The following C6orf118 variants were observed in gnomAD, a reference collection of about 807,000 sequenced individuals.
The protein encoded by C6orf118 is uncharacterized protein C6orf118.
In C6orf118, 50 loss-of-function variants were observed where a neutral mutation model predicts 50.2. That is an observed-to-expected ratio of 1.00 (90% CI 0.79 to 1.26). C6orf118 has a LOEUF of 1.26. Among genes scored for constraint, C6orf118 ranks in the 50% most tolerant of loss-of-function variants. The probability of loss-of-function intolerance (pLI) is 0.00; values close to 1 mark genes in which losing one functional copy is unlikely to be tolerated. For missense variants in C6orf118, 641 were observed against 578.7 expected (o/e 1.11, Z -1.10); for synonymous variants, 239 against 230.9 (o/e 1.03, Z -0.32).
At position 165,301,964 on chromosome 6, in the gene C6orf118, G is replaced by A. The variant is rs1780564847; in HGVS notation, c.358C>T (p.Pro120Ser). 1 of 1,613,716 alleles carries A rather than the reference G, an allele frequency of 6.2e-7. No individual in the cohort carries two copies. The highest frequency in any genetic ancestry group is 1.7e-5 in the Admixed American group (1 of 60,010). Residue 120 changes from proline (P) to serine (S), a missense_variant, in exon 2 of 9, where the codon CCC becomes TCC. Physicochemically the swap from Pro to Ser is moderately conservative, Grantham distance 74 (BLOSUM62 -1). Transcript: ENST00000230301. ...AHFTIHTALVPSEAQDTPLFR... is the reference protein window; with the variant it reads ...AHFTIHTALVSSEAQDTPLFR... Reference sequence around the variant, plus strand: ...AGCGGGGTGTCCTGGGCCTCACTGGGGACCAGGGCCGTGTGGATGGTGAAG... The same window carrying A: ...AGCGGGGTGTCCTGGGCCTCACTGGAGACCAGGGCCGTGTGGATGGTGAAG...
intron 6 of C6orf118, among the ~76,000 whole-genome samples, chr6:165,291,475 A>G (rs1027888261): frequency 1.5e-4 from 23 of 152,104 alleles, no homozygotes; most frequent in Admixed American, 1.3e-4. Flanking sequence ...CACATGTTCT[A>G]TGGCTTTCAT....
intron 6 of C6orf118, among the ~76,000 whole-genome samples, chr6:165,290,553 C>A (rs1411468039): frequency 1.3e-5 from 2 of 152,072 alleles, no homozygotes; most frequent in East Asian, 3.9e-4. Flanking sequence ...GAGCAGAAGA[C>A]AGAATTTAGA....
intron 5 of C6orf118, among the ~76,000 whole-genome samples, chr6:165,296,074 C>G (rs1780287602): frequency 6.6e-6 from 1 of 152,080 alleles, no homozygotes; most frequent in Non-Finnish European, 1.5e-5. Context: ...TTCTCTCTTC[C>G]ATGAACTTTT....
chr6:165,306,498 G>T lies in C6orf118; in HGVS notation c.25+3064C>A, dbSNP rs1363169486. 6.7e-5 allele frequency among the ~76,000 whole-genome samples: 5 copies of T among 74,432 alleles called. No homozygotes were observed. In the Admixed American group the frequency reaches 8.2e-4, roughly 12 times the overall value. 48.8% of individuals were successfully genotyped at this position (74,432 alleles called of 152,430 possible). A position where few individuals can be genotyped will look rare whatever the true frequency, so the allele number is the denominator to read the frequency against. On this transcript the variant is annotated intron_variant, in intron 1 of 8. Transcript: ENST00000230301. Reference sequence around the variant, plus strand: ...ATAAAAAAAAATTATAAAAAAAAAAGAATAATATTCATAGAAATGGAATTT... The same window carrying T: ...ATAAAAAAAAATTATAAAAAAAAAATAATAATATTCATAGAAATGGAATTT...
intron 7 of C6orf118, among the ~76,000 whole-genome samples, chr6:165,283,579 G>A (rs1328639564): frequency 2.0e-5 from 3 of 152,200 alleles, no homozygotes; most frequent in African/African-American, 7.2e-5. Flanking sequence ...TTGTAAACAG[G>A]TTGGTGCTCC....
In C6orf118 at chr6:165,280,058, T is replaced by C; in HGVS notation, c.1409A>G (p.Ter470=). 1.2e-6 allele frequency: 2 copies of C among 1,605,738 alleles called. No individual in the cohort carries two copies. The highest frequency in any genetic ancestry group is 2.7e-5 in the African/African-American group (2 of 74,526). The change falls in exon 9 of 9, where the codon TAA becomes TGA. Residue 470 remains the stop codon, a stop_retained_variant. Transcript: ENST00000230301. ...GCCATTTGTTCAGCCACTTGAGCGT[T>C]ATCTTCTGTTTCCTCTGATTTTACA... is the stretch of plus-strand genomic sequence containing the variant. ...GICKIRGNRR[*]
chr6:165,282,581 G>A (rs2128156391), intron 7 of C6orf118, among the ~76,000 whole-genome samples: 1 of 149,762 alleles, frequency 6.7e-6, no homozygotes, highest in Middle Eastern at 3.6e-3. Flanking sequence ...CAAATTAAAT[G>A]AAATTATATT....
intron 6 of C6orf118, 111 bp downstream of exon 6, chr6:165,293,298 CAGAG>C (rs1388135202): frequency 2.1e-6 from 2 of 951,248 alleles, no homozygotes; most frequent in African/African-American, 1.6e-5. Flanking sequence ...CAACAAAACT[CAGAG>C]GGAGCATCAG....
At chr6:165,307,434 C>T (rs1008492660) in intron 1 of C6orf118, among the ~76,000 whole-genome samples, 7 of 151,834 alleles carry the variant, frequency 4.6e-5, no homozygotes, top group South Asian at 2.1e-4. Flanking sequence ...TGGCGGGTAC[C>T]TGTAATTACT....
intron 7 of C6orf118, among the ~76,000 whole-genome samples, chr6:165,285,092 A>C (rs1779856705): frequency 6.6e-6 from 1 of 152,366 alleles, no homozygotes; most frequent in Admixed American, 6.5e-5. Flanking sequence ...AAAGACACAC[A>C]TAGGCTCAAA....
intron 3 of C6orf118, 36 bp downstream of exon 3, chr6:165,300,322 GCAAGCT>G: frequency 6.2e-7 from 1 of 1,608,784 alleles, no homozygotes; most frequent in South Asian, 1.1e-5. Flanking sequence ...AGAACCTCAT[GCAAGCT>G]TCTCAACTGT....
chr6:165,307,291 A>G (rs1780773154), intron 1 of C6orf118, among the ~76,000 whole-genome samples: 2 of 133,364 alleles, frequency 1.5e-5, no homozygotes, highest in Admixed American at 9.1e-5. Flanking sequence ...GGGTGCAGTG[A>G]CTCACGCCTG....
At chr6:165,291,048 T>A (rs999342681) in intron 6 of C6orf118, among the ~76,000 whole-genome samples, 1 of 152,098 alleles carries the variant, frequency 6.6e-6, no homozygotes, top group South Asian at 2.1e-4. Flanking sequence ...TTCACTACCA[T>A]GAGAATAGTA....
At position 165,302,978 on chromosome 6, in the gene C6orf118, G is replaced by A. The variant is rs907921294; in HGVS notation, c.26-682C>T. 2.0e-5 allele frequency among the ~76,000 whole-genome samples: 3 copies of A among 152,202 alleles called. No individual in the cohort carries two copies. In the East Asian group the frequency reaches 5.8e-4, roughly 29 times the overall value. On this transcript the variant is annotated intron_variant, in intron 1 of 8. Coordinates refer to ENST00000230301, the MANE Select transcript of C6orf118 (RefSeq NM_144980.4). ...TACCCATTTTTGCTGCAGGTCTATA[G>A]TACAGGTAACACGTTACTGAACACT... is the stretch of plus-strand genomic sequence containing the variant.
chr6:165,302,434 G>T, intron 1 of C6orf118, 138 bp from the exon 2 acceptor site: 1 of 1,131,894 alleles, frequency 8.8e-7, no homozygotes, highest in Non-Finnish European at 1.2e-6. Context: ...ACATGGCCCA[G>T]CCCTTAAAAG....
intron 5 of C6orf118, among the ~76,000 whole-genome samples, chr6:165,294,323 GA>G (rs369635922): frequency 6.8e-6 from 1 of 148,082 alleles, no homozygotes; most frequent in African/African-American, 2.5e-5. Flanking sequence ...TTAAAAAACA[GA>G]AAAAAACCTC....
rs756402864 is a variant in C6orf118 at position 165,301,993 on chromosome 6, G to A, written c.329C>T (p.Ala110Val). ...CAGGGCCGTGTGGATGGTGAAGTGG[G>A]CCAGGGCCTCCTTCATCCTCGCCAC... ...GKVARMKEAL[A>V]HFTIHTALVP... Residue 110 changes from alanine to valine, a missense_variant, in exon 2 of 9, where the codon GCC (alanine) becomes GTC (valine). Transcript: ENST00000230301. 4.0e-5 allele frequency: 65 copies of A among 1,613,594 alleles called. 1 individual carries two copies. The South Asian group carries it at 6.9e-4, about 17-fold the overall frequency.
chr6:165,291,491 T>C (rs936718214), intron 6 of C6orf118, among the ~76,000 whole-genome samples: 1 of 152,134 alleles, frequency 6.6e-6, no homozygotes, highest in Non-Finnish European at 1.5e-5. Flanking sequence ...TTCATCTCCA[T>C]GTGTTTGGTG....
At chr6:165,285,788 A>G (rs1389529032) in intron 7 of C6orf118, among the ~76,000 whole-genome samples, 1 of 152,098 alleles carries the variant, frequency 6.6e-6, no homozygotes, top group Non-Finnish European at 1.5e-5. Flanking sequence ...TGTTAGAGGG[A>G]AATTTATAGC....
Sources: gnomAD v4.1 joint callset for allele counts (sites outside exome capture counted in the v4.1 genomes callset) on GRCh38, gnomAD v4.1.1 for gene constraint, MANE v1.5 for transcripts, NCBI Gene and HGNC (gene_info 2026-07-23, HGNC 2026-07-21) for gene names.